The following EGFL7 variants were observed in gnomAD, a reference collection of about 807,000 sequenced individuals.
EGFL7 encodes the protein EGF like domain multiple 7.
Under a neutral mutation model 37.1 loss-of-function variants are expected in EGFL7, and 48 were observed. The observed-to-expected ratio is 1.29, with a 90% CI of 1.03 to 1.65. The LOEUF is 1.65. Ranked by LOEUF, EGFL7 falls within the 40% of genes most tolerant of loss-of-function variation. EGFL7 has a pLI of 0.00. For synonymous variants in EGFL7, 180 were observed against 156.8 expected (o/e 1.15, Z -1.10); for missense variants, 384 against 378.9 (o/e 1.01, Z -0.11).
At chr9:136,669,871 TG>T in intron 6 of EGFL7, 42 bp from the exon 7 acceptor site, 1 of 1,534,766 alleles carries the variant, frequency 6.5e-7, no homozygotes, top group Non-Finnish European at 8.8e-7. Flanking sequence ...CACAGGGTGC[TG>T]GGGACCCAAC....
upstream of EGFL7, chr9:136,659,761 G>A (rs1845022420): frequency 6.6e-6 from 1 of 152,378 alleles, no homozygotes; most frequent in African/African-American, 2.4e-5. Flanking sequence ...ACAAAGCTGG[G>A]ACCAGAGCTC....
At position 136,666,058 on chromosome 9, in the gene EGFL7, C is replaced by T. The variant is rs1845452286; in HGVS notation, c.-43+1273C>T. Among the ~76,000 whole-genome samples the T allele has an allele frequency of 6.9e-6, 1 of 145,874 alleles. No individual in the cohort carries two copies. Among genetic ancestry groups the T allele is most frequent in the African/African-American group, 2.5e-5 (1 of 40,628 alleles). ...CAGCGGCCCCGGGAACCGGCTCCCC[C>T]TGCCGGCGGCGGGCGGGCGGGCGGC... On this transcript the variant is annotated intron_variant, in intron 3 of 10. Coordinates refer to ENST00000308874, the MANE Select transcript of EGFL7 (RefSeq NM_016215.5). This position sits in a 1 kb window ranked among gnomAD's most constrained non-coding sequence, Gnocchi z 6.8.
upstream of EGFL7, among the ~76,000 whole-genome samples, chr9:136,662,754 C>G (rs1051790677): frequency 1.3e-5 from 2 of 152,136 alleles, no homozygotes; most frequent in African/African-American, 2.4e-5. Context: ...TTGTCCAGGC[C>G]CCCTCACACG....
intron 10 of EGFL7, 47 bp downstream of exon 10, chr9:136,672,135 G>A (rs1320092353): frequency 6.4e-7 from 1 of 1,563,332 alleles, no homozygotes; most frequent in Non-Finnish European, 8.7e-7. Flanking sequence ...TCTGGGCCCA[G>A]TGGGCCTAGA....
Position 136,672,094 on chromosome 9 carries a change from T to C in EGFL7, c.799+6T>C, listed in dbSNP as rs762851244. On this transcript the variant is annotated splice_donor_region_variant and intron_variant, in intron 10 of 10. Transcript: ENST00000308874. Reference sequence around the variant, plus strand: ...GGAGGAGCAGCTGGGGTCCTGTGAGTGCCCCCACCCTCCAGAGCCCTCCTC... The same window carrying C: ...GGAGGAGCAGCTGGGGTCCTGTGAGCGCCCCCACCCTCCAGAGCCCTCCTC... The C allele has an allele frequency of 5.2e-6, 8 of 1,547,218 alleles. No individual in the cohort carries two copies. The highest frequency in any genetic ancestry group is 6.1e-6 in the Non-Finnish European group (7 of 1,146,622).
intron 8 of EGFL7, 27 bp from the exon 9 acceptor site, chr9:136,670,908 GGAGCCGGCCGGCCGT>G: frequency 6.5e-7 from 1 of 1,538,398 alleles, no homozygotes; most frequent in African/African-American, 1.4e-5. Context: ...GTGTGGGTGG[GGAGCCGGCCGGCCGT>G]GACCCAGCGC....
upstream of EGFL7, among the ~76,000 whole-genome samples, chr9:136,662,078 G>C (rs1845182265): frequency 6.6e-6 from 1 of 151,926 alleles, no homozygotes; most frequent in Admixed American, 6.6e-5. Flanking sequence ...CAGGGAAGAT[G>C]AGGGTCAGAC....
Position 136,669,962 on chromosome 9 carries a change from G to A in EGFL7, c.362G>A (p.Gly121Asp). 1 of 1,604,388 alleles carries A rather than the reference G, an allele frequency of 6.2e-7. No individual in the cohort carries two copies. The highest frequency in any genetic ancestry group is 8.5e-7 in the Non-Finnish European group (1 of 1,175,418). ...AACGGAGGGAGCTGTGTCCAGCCTG[G>A]CCGCTGCCGCTGCCCTGCAGGATGG... ...CRNGGSCVQPGRCRCPAGWRG... is the reference protein window; with the variant it reads ...CRNGGSCVQPDRCRCPAGWRG... Residue 121 changes from glycine (G) to aspartate (D), a missense_variant, in exon 7 of 11, where the codon GGC (glycine) becomes GAC (aspartate). Coordinates refer to ENST00000308874, the MANE Select transcript of EGFL7 (RefSeq NM_016215.5).
upstream of EGFL7, chr9:136,658,956 C>A (rs559578171): frequency 1.3e-5 from 2 of 152,002 alleles, no homozygotes; most frequent in African/African-American, 4.8e-5. Flanking sequence ...GGAAGGGAGA[C>A]GGGAGCGGCC....
chr9:136,661,655 A>T (rs1219243089), upstream of EGFL7, among the ~76,000 whole-genome samples: 2 of 152,304 alleles, frequency 1.3e-5, no homozygotes, highest in Non-Finnish European at 2.9e-5. Context: ...CGCCCAGAGC[A>T]GACCCTTCCC....
At position 136,670,239 on chromosome 9, in the gene EGFL7, G is replaced by A. The variant is rs567747184; in HGVS notation, c.480G>A (p.Trp160Ter). 2.3e-5 allele frequency: 37 copies of A among 1,612,596 alleles called. No homozygotes were observed. The African/African-American group carries it at 4.4e-4, about 19-fold the overall frequency. ...GCGTCAACACCGCCGGCAGTTACTG[G>A]TGCCAGTGTTGGGAGGGGCACAGCC... is the stretch of plus-strand genomic sequence containing the variant. ...QRCVNTAGSYWCQCWEGHSLS... is the reference protein window; with the variant it reads ...QRCVNTAGSY The change falls in exon 8 of 11, where the codon TGG becomes TGA. Residue 160 changes from tryptophan to a stop codon, truncating the protein, a stop_gained. Transcript: ENST00000308874. LOFTEE classifies it high-confidence loss of function.
chr9:136,667,622 A>C lies in EGFL7; in HGVS notation c.-42-619A>C, dbSNP rs1044875975. 1.2e-4 allele frequency among the ~76,000 whole-genome samples: 18 copies of C among 152,224 alleles called. No homozygotes were observed. The East Asian group carries it at 3.3e-3, about 28-fold the overall frequency. On this transcript the variant is annotated intron_variant, in intron 3 of 10. Coordinates refer to ENST00000308874, the MANE Select transcript of EGFL7 (RefSeq NM_016215.5). ...CAGGATCCCTGGAGGCTGATTGCAC[A>C]CATATCCCAGCCTGGGAAGGACCCC...
Position 136,670,872 on chromosome 9 carries a change from C to T in EGFL7, c.572-78C>T, listed in dbSNP as rs900391821. ...GCCTGAGTCTTCTGGCTCTGCCTCTCCCTGGGGACAGGAGGGAGCCTGGGG... is the reference window on the plus strand; with the variant it reads ...GCCTGAGTCTTCTGGCTCTGCCTCTTCCTGGGGACAGGAGGGAGCCTGGGG... On this transcript the variant is annotated intron_variant, in intron 8 of 10. Coordinates refer to ENST00000308874, the MANE Select transcript of EGFL7 (RefSeq NM_016215.5). 2.0e-5 allele frequency: 28 copies of T among 1,371,078 alleles called. No homozygotes were observed. The African/African-American group carries it at 4.0e-4, about 20-fold the overall frequency. The allele number at this position is 1,371,078 out of a possible 1,614,324, so 84.9% of individuals were successfully genotyped here.
At chr9:136,662,252 G>A (rs1845193357), upstream of EGFL7, among the ~76,000 whole-genome samples, 1 of 152,216 alleles carries the variant, frequency 6.6e-6, no homozygotes, top group African/African-American at 2.4e-5. Flanking sequence ...CCAGGGCAGG[G>A]GCTCACAGCC....
rs1382292865 is a variant in EGFL7, at chr9:136,669,914, C to T, written c.314C>T (p.Ala105Val). Reference sequence around the variant, plus strand: ...GGTGACCAGCCTCCCCCGCCCACAGCAATATGCCAGCCGCCATGCCGGAAC... The same window carrying T: ...GGTGACCAGCCTCCCCCGCCCACAGTAATATGCCAGCCGCCATGCCGGAAC... ...TSGLPGACGAAICQPPCRNGG... is the reference protein window; with the variant it reads ...TSGLPGACGAVICQPPCRNGG... The change falls in exon 7 of 11, where the codon GCA becomes GTA. Residue 105 changes from alanine (A) to valine (V), a missense_variant and splice_region_variant. By Grantham distance (64) the Ala-to-Val change is moderately conservative. Coordinates refer to ENST00000308874, the MANE Select transcript of EGFL7 (RefSeq NM_016215.5). 1 of 1,589,482 alleles carries T rather than the reference C, an allele frequency of 6.3e-7. No individual in the cohort carries two copies. The highest frequency in any genetic ancestry group is 1.1e-5 in the South Asian group (1 of 88,054).
rs886849165 is a variant in EGFL7, at chr9:136,667,942, T to C, written c.-42-299T>C. ...GGCCACCCGTAGCTGGAGCCATCCT[T>C]CCCGGAGCCTCGGGCAGATGCCCAG... On this transcript the variant is annotated intron_variant, in intron 3 of 10. Transcript: ENST00000308874. Among the ~76,000 whole-genome samples the C allele has an allele frequency of 5.9e-5, 9 of 152,234 alleles. 1 individual carries two copies. In the East Asian group the frequency reaches 1.5e-3, roughly 26 times the overall value.
At position 136,669,635 on chromosome 9, in the gene EGFL7, G is replaced by A. The variant is rs1406443513; in HGVS notation, c.227G>A (p.Ser76Asn). The change falls in exon 6 of 11, where the codon AGC (serine) becomes AAC (asparagine). Residue 76 changes from serine (S) to asparagine (N), a missense_variant. By Grantham distance (46) the Ser-to-Asn change is conservative. Transcript: ENST00000308874. ...RTIYRTAYRRSPGLAPARPRY... is the reference protein window; with the variant it reads ...RTIYRTAYRRNPGLAPARPRY... ...ATCTATAGGACCGCCTACCGCCGCA[G>A]CCCTGGGCTGGCCCCTGCCAGGCCT... 6.2e-7 allele frequency: 1 copy of A among 1,611,390 alleles called. No homozygotes were observed. The highest frequency in any genetic ancestry group is 8.5e-7 in the Non-Finnish European group (1 of 1,179,496).
chr9:136,667,438 G>A (rs191863989), intron 3 of EGFL7, among the ~76,000 whole-genome samples: 62 of 152,300 alleles, frequency 4.1e-4, no homozygotes, highest in Non-Finnish European at 7.5e-4. Context: ...CCCCGGCATT[G>A]CCACAGACCA....
At position 136,668,261 on chromosome 9, in the gene EGFL7, AC is replaced by A; in HGVS notation, c.-18del. The A allele has an allele frequency of 2.5e-6, 4 of 1,587,712 alleles. No homozygotes were observed. The highest frequency in any genetic ancestry group is 3.4e-6 in the Non-Finnish European group (4 of 1,167,020). On this transcript the variant is annotated 5_prime_UTR_variant, in exon 4 of 11. Transcript: ENST00000308874. ...CCCAGGCCACCCAGAGGAGAAGGCC[AC>A]CCCGCCTGGAGGCACAGGCCATGAG...
Sources: allele counts gnomAD v4.1 joint callset (sites outside exome capture counted in the v4.1 genomes callset), GRCh38; gene constraint gnomAD v4.1.1; non-coding constraint Gnocchi (gnomAD v3.1); transcripts MANE v1.5; gene names NCBI Gene and HGNC (gene_info 2026-07-23, HGNC 2026-07-21).